The following ARHGEF18 variants were observed in gnomAD, a reference collection of about 807,000 sequenced individuals.
ARHGEF18 encodes the protein rho guanine nucleotide exchange factor 18.
A neutral mutation model predicts 155.7 loss-of-function variants in ARHGEF18; 93 were observed. The observed-to-expected ratio is 0.60, with a 90% CI of 0.50 to 0.71. The LOEUF (loss-of-function observed/expected upper bound fraction) is 0.71. ARHGEF18 is among the 30% of genes least tolerant of loss of function. ARHGEF18 has a pLI of 0.00. For synonymous variants in ARHGEF18, 742 were observed against 753.1 expected (o/e 0.99, Z 0.24); for missense variants, 1,593 against 1,816.1 (o/e 0.88, Z 2.23).
At chr19:7,455,561 C>T (rs1055555157) in intron 17 of ARHGEF18, among the ~76,000 whole-genome samples, 9 of 152,154 alleles carry the variant, frequency 5.9e-5, no homozygotes, top group Admixed American at 4.6e-4. Context: ...TGGCCTGCAT[C>T]GCTGCTGTGG....
chr19:7,385,678 G>T (rs1187218391), intron 10 of ARHGEF18, among the ~76,000 whole-genome samples: 1 of 151,712 alleles, frequency 6.6e-6, no homozygotes, highest in African/African-American at 2.4e-5. Flanking sequence ...GTTTCACCAT[G>T]TTGGCCAGGC....
chr19:7,479,851 G>A, the ARHGEF18 span, among the ~76,000 whole-genome samples: 1 of 152,236 alleles, frequency 6.6e-6, no homozygotes, highest in Non-Finnish European at 1.5e-5. Context: ...AGGGGCATCA[G>A]TTGTAACAAA....
Position 7,463,741 on chromosome 19 carries a change from C to T in ARHGEF18, c.2636-77C>T. The T allele has an allele frequency of 1.4e-6, 2 of 1,469,320 alleles. No homozygotes were observed. Among genetic ancestry groups the T allele is most frequent in the Non-Finnish European group, 1.8e-6 (2 of 1,102,778 alleles). The allele number at this position is 1,469,320 out of a possible 1,614,324, so 91.0% of individuals were successfully genotyped here. On this transcript the variant is annotated intron_variant, in intron 21 of 28. Transcript: ENST00000668164. This position sits in a 1 kb window ranked among gnomAD's most constrained non-coding sequence, Gnocchi z 5.2. ...TGAGTCCCTCCGTCCACCCGGGTCTCGCTGCCCCAGCGCTCCGTATTCCCC... is the reference window on the plus strand; with the variant it reads ...TGAGTCCCTCCGTCCACCCGGGTCTTGCTGCCCCAGCGCTCCGTATTCCCC...
intron 4 of ARHGEF18, 129 bp from the exon 5 acceptor site, chr19:7,376,514 G>A (rs1486994660): frequency 2.2e-6 from 1 of 464,078 alleles, no homozygotes; most frequent in Non-Finnish European, 3.5e-6. Context: ...GGAGGCTGAG[G>A]CTTGGATGAG....
intron 10 of ARHGEF18, among the ~76,000 whole-genome samples, chr19:7,435,584 G>C (rs112795008): frequency 6.6e-6 from 1 of 152,132 alleles, no homozygotes; most frequent in Non-Finnish European, 1.5e-5. Context: ...CCATAAAGGA[G>C]GCAACTGGGG....
chr19:7,468,345 G>T (rs1223139019), intron 26 of ARHGEF18, among the ~76,000 whole-genome samples: 2 of 151,686 alleles, frequency 1.3e-5, no homozygotes, highest in African/African-American at 4.9e-5. Flanking sequence ...AGGTATTTGA[G>T]ACCAGCCTGG....
rs752947301 is a variant in ARHGEF18, at chr19:7,459,999, G to A, written c.2452+5G>A. 4.5e-6 allele frequency: 7 copies of A among 1,566,652 alleles called. No homozygotes were observed. Among genetic ancestry groups the A allele is most frequent in the Non-Finnish European group, 4.3e-6 (5 of 1,155,750 alleles). ...CGAGACTCCGGGACTTTCAAGGTGAGCGGGAGACAGCGTCTGGGCACACCC... is the reference window on the plus strand; with the variant it reads ...CGAGACTCCGGGACTTTCAAGGTGAACGGGAGACAGCGTCTGGGCACACCC... On this transcript the variant is annotated splice_donor_5th_base_variant and intron_variant, in intron 20 of 28. Coordinates refer to ENST00000668164, the MANE Select transcript of ARHGEF18 (RefSeq NM_001367823.1).
chr19:7,427,608 G>A (rs1470668008), intron 10 of ARHGEF18, among the ~76,000 whole-genome samples: 2 of 150,110 alleles, frequency 1.3e-5, no homozygotes, highest in African/African-American at 4.9e-5. Context: ...TCACGCCACT[G>A]CACTCCAACC....
At chr19:7,365,594 G>T (rs1969852659) in intron 2 of ARHGEF18, among the ~76,000 whole-genome samples, 2 of 152,296 alleles carry the variant, frequency 1.3e-5, no homozygotes, top group Non-Finnish European at 2.9e-5. Context: ...CGGCAATGGG[G>T]GAACGGTGGG....
At chr19:7,467,727 G>C in intron 26 of ARHGEF18, 43 bp downstream of exon 26, 1 of 1,419,346 alleles carries the variant, frequency 7.0e-7, no homozygotes. Flanking sequence ...GGGGTGACCG[G>C]TTTGCACGTG....
chr19:7,375,602 C>T (rs1169175451), intron 3 of ARHGEF18, 118 bp from the exon 4 acceptor site: 1 of 1,062,540 alleles, frequency 9.4e-7, no homozygotes, highest in Non-Finnish European at 1.2e-6. Flanking sequence ...GGCTTGCGCA[C>T]CCTTCCTTGT....
At chr19:7,428,488 C>T (rs1446665206) in intron 10 of ARHGEF18, among the ~76,000 whole-genome samples, 1 of 152,090 alleles carries the variant, frequency 6.6e-6, no homozygotes, top group Admixed American at 6.5e-5. Context: ...GAACTCCTGG[C>T]CTCCAGTGAT....
chr19:7,373,949 T>C (rs10419148), intron 3 of ARHGEF18, among the ~76,000 whole-genome samples: 29,251 of 150,474 alleles, frequency 0.19, 6,533 homozygotes, highest in African/African-American at 0.54. Context: ...TTAGTAGAGA[T>C]GGAGTTTTAC....
At position 7,444,579 on chromosome 19, in the gene ARHGEF18, C is replaced by G. The variant is rs1272137475; in HGVS notation, c.1611+125C>G. ...AGGCTGGAGTGCAGTGGTGCAGTCA[C>G]AGCTCAATGCAGCCTCAACCTCTCA... On this transcript the variant is annotated intron_variant, in intron 14 of 28. Transcript: ENST00000668164. This position sits in a 1 kb window ranked among gnomAD's most constrained non-coding sequence, Gnocchi z 4.7. The G allele has an allele frequency of 7.6e-7, 1 of 1,324,058 alleles. No homozygotes were observed. The highest frequency in any genetic ancestry group is 2.5e-5 in the East Asian group (1 of 39,400). The allele number at this position is 1,324,058 out of a possible 1,614,324, so 82.0% of individuals were successfully genotyped here.
In ARHGEF18 at chr19:7,395,167, G is replaced by C; in HGVS notation, c.967+11964G>C. The C allele has an allele frequency of 1.0e-6, 1 of 986,024 alleles. No homozygotes were observed. Among genetic ancestry groups the C allele is most frequent in the Non-Finnish European group, 1.2e-6 (1 of 830,386 alleles). The allele number at this position is 986,024 out of a possible 1,614,324, so 61.1% of individuals were successfully genotyped here. A position where few individuals can be genotyped will look rare whatever the true frequency, so the allele number is the denominator to read the frequency against. On this transcript the variant is annotated intron_variant, in intron 10 of 28. Transcript: ENST00000668164. The surrounding 1 kb of genome is among the most constrained non-coding windows in gnomAD (Gnocchi z 5.0). ...GCTGCTAGCTACTGTGGATCTGGGGGGGCCGGACGGAGGCATCGGAGGCGG... is the reference window on the plus strand; with the variant it reads ...GCTGCTAGCTACTGTGGATCTGGGGCGGCCGGACGGAGGCATCGGAGGCGG...
intron 3 of ARHGEF18, among the ~76,000 whole-genome samples, chr19:7,375,374 GAAGA>G (rs1045649791): frequency 6.4e-5 from 9 of 141,268 alleles, no homozygotes; most frequent in South Asian, 2.3e-4. Flanking sequence ...AGGAAGGAAG[GAAGA>G]AAGAAAAGGA....
Position 7,462,181 on chromosome 19 carries a change from G to A in ARHGEF18, c.2482G>A (p.Ala828Thr), listed in dbSNP as rs776929047. Reference protein sequence around the residue: ...ERLSMKDQLIAQSLLEKQQIY... With the variant: ...ERLSMKDQLITQSLLEKQQIY... ...GTTGAGCATGAAAGACCAGCTGATC[G>A]CACAGAGCCTCCTAGAGAAACAGCA... is the stretch of plus-strand genomic sequence containing the variant. The change falls in exon 21 of 29, where the codon GCA becomes ACA. Residue 828 changes from alanine to threonine, a missense_variant. Transcript: ENST00000668164. This position sits in a 1 kb window ranked among gnomAD's most constrained non-coding sequence, Gnocchi z 4.4. 19 of 1,613,830 alleles carry A rather than the reference G, an allele frequency of 1.2e-5. No homozygotes were observed. Among genetic ancestry groups the A allele is most frequent in the Admixed American group, 1.2e-4 (7 of 59,994 alleles).
At chr19:7,413,016 G>A (rs1972785081) in intron 10 of ARHGEF18, among the ~76,000 whole-genome samples, 2 of 152,150 alleles carry the variant, frequency 1.3e-5, no homozygotes, top group African/African-American at 4.8e-5. Flanking sequence ...GCAAGTCACA[G>A]TTTCCCGTGA....
At chr19:7,422,296 A>G (rs1016407063) in intron 10 of ARHGEF18, among the ~76,000 whole-genome samples, 3 of 151,384 alleles carry the variant, frequency 2.0e-5, no homozygotes, top group African/African-American at 7.3e-5. Context: ...CCTGCCTTTT[A>G]ATCTTCATCT....
Sources: allele counts gnomAD v4.1 joint callset (sites outside exome capture counted in the v4.1 genomes callset), GRCh38; gene constraint gnomAD v4.1.1; non-coding constraint Gnocchi (gnomAD v3.1); transcripts MANE v1.5; gene names NCBI Gene and HGNC (gene_info 2026-07-23, HGNC 2026-07-21).